ASXL2: variants seen among roughly 807,000 people sequenced by gnomAD.
The protein encoded by ASXL2 is ASXL transcriptional regulator 2.
In ASXL2, 23 loss-of-function variants were observed where a neutral mutation model predicts 122.0. The observed-to-expected ratio is 0.19, with a 90% CI of 0.14 to 0.27. The LOEUF is 0.27. ASXL2 is among the 10% of genes least tolerant of loss of function. The pLI is 1.00. For missense variants in ASXL2, 1,518 were observed against 1,713.8 expected (o/e 0.89, Z 2.02); for synonymous variants, 650 against 637.0 (o/e 1.02, Z -0.31).
intron 5 of ASXL2, among the ~76,000 whole-genome samples, chr2:25,788,001 G>C (rs1196485541): frequency 6.6e-6 from 1 of 152,014 alleles, no homozygotes; most frequent in African/African-American, 2.4e-5. Flanking sequence ...ATTAAAACAG[G>C]GTGGTACTGT....
intron 5 of ASXL2, among the ~76,000 whole-genome samples, chr2:25,786,243 C>CTATTTTTTTTTTTTTTTT (rs2088743095): frequency 8.9e-6 from 1 of 112,420 alleles, no homozygotes; most frequent in Non-Finnish European, 1.7e-5. Flanking sequence ...CCACATCATT[C>CTATTTTTTTTTTTTTTTT]TTTTTTTTTT....
chr2:25,802,005 G>A (rs537430867), intron 4 of ASXL2, among the ~76,000 whole-genome samples: 24 of 152,184 alleles, frequency 1.6e-4, no homozygotes, highest in African/African-American at 5.3e-4. Flanking sequence ...TTACCACACT[G>A]GAATCTTTAC....
At chr2:25,789,132 A>G (rs997698807) in intron 5 of ASXL2, among the ~76,000 whole-genome samples, 23 of 151,970 alleles carry the variant, frequency 1.5e-4, no homozygotes, top group African/African-American at 5.3e-4. Flanking sequence ...CTATAGATCC[A>G]TTTTAGTTCT....
chr2:25,837,835 G>A (rs561322627), intron 2 of ASXL2, among the ~76,000 whole-genome samples: 6 of 151,788 alleles, frequency 4.0e-5, no homozygotes, highest in South Asian at 4.2e-4. Flanking sequence ...ACCAAGAGGC[G>A]GCCAGGTGCA....
chr2:25,876,958 A>G (rs2090014394), intron 1 of ASXL2, among the ~76,000 whole-genome samples: 1 of 152,238 alleles, frequency 6.6e-6, no homozygotes, highest in Admixed American at 6.5e-5. Context: ...AAATAAAGAG[A>G]CTAGACGGTA....
intron 1 of ASXL2, among the ~76,000 whole-genome samples, chr2:25,874,966 C>A (rs937018033): frequency 5.9e-5 from 9 of 151,850 alleles, no homozygotes; most frequent in Non-Finnish European, 1.3e-4. Flanking sequence ...ACCTGCACTC[C>A]CAGCTACTCA....
chr2:25,851,193 T>C (rs1272298733), intron 1 of ASXL2, among the ~76,000 whole-genome samples: 1 of 152,036 alleles, frequency 6.6e-6, no homozygotes, highest in Non-Finnish European at 1.5e-5. Flanking sequence ...ATAAGTAACT[T>C]ATTTTTGTAT....
chr2:25,844,714 C>T (rs2089630009), intron 2 of ASXL2, among the ~76,000 whole-genome samples: 1 of 151,608 alleles, frequency 6.6e-6, no homozygotes, highest in African/African-American at 2.4e-5. Context: ...ATAGCACCTT[C>T]TTAGCACTCT....
rs373514519 is a variant in ASXL2 at position 25,743,071 on chromosome 2, T to C, written c.3266A>G (p.Asn1089Ser). Residue 1089 changes from asparagine to serine, a missense_variant, in exon 13 of 13, where the codon AAC becomes AGC. Asn to Ser is a conservative substitution (Grantham distance 46). Around this residue, in one of 8 missense-constraint regions of ASXL2, gnomAD observed 831 missense variants for 833.1 expected, o/e 1.00. Coordinates refer to ENST00000435504, the MANE Select transcript of ASXL2 (RefSeq NM_018263.6). The part of the protein sequence containing the change: ...LLSVVPPSQF[N>S]FAHSGFQLED... ...CAGCTGGAAACCTGAGTGAGCGAAG[T>C]TGAACTGTGAGGGCGGCACAACTGA... The C allele has an allele frequency of 7.4e-6, 12 of 1,613,862 alleles. No homozygotes were observed. The African/African-American group carries it at 1.3e-4, about 18-fold the overall frequency.
At chr2:25,781,300 G>A (rs532520862) in intron 5 of ASXL2, among the ~76,000 whole-genome samples, 47 of 152,126 alleles carry the variant, frequency 3.1e-4, no homozygotes, top group South Asian at 1.0e-3. Flanking sequence ...TTGGGAGGTC[G>A]CAGGAGGAGA....
In ASXL2 at chr2:25,845,482, TG is replaced by T; in HGVS notation, c.138del (p.Arg47GlufsTer10). The part of the protein sequence containing the change: ...QVIQREGLKE[I>X]RSGTSPLACL... ...ACTAAAAATATTTAAATAACTCACC[TG>T]ATTTCTTTTAGTCCTTCTCTCTGGA... On this transcript the variant is annotated frameshift_variant and splice_region_variant, in exon 2 of 13. Transcript: ENST00000435504. LOFTEE classifies it high-confidence loss of function. 6.8e-7 allele frequency: 1 copy of T among 1,461,288 alleles called. No individual in the cohort carries two copies. Among genetic ancestry groups the T allele is most frequent in the Non-Finnish European group, 9.2e-7 (1 of 1,091,096 alleles). 90.5% of individuals were successfully genotyped at this position (1,461,288 alleles called of 1,614,324 possible).
chr2:25,828,848 A>AAAAC (rs35120438), intron 3 of ASXL2, among the ~76,000 whole-genome samples: 1 of 150,186 alleles, frequency 6.7e-6, no homozygotes, highest in Admixed American at 6.7e-5. Context: ...AAAAAAAAAA[A>AAAAC]CAACAACCTT....
rs2087889267 is a variant in ASXL2 at position 25,743,809 on chromosome 2, C to A, written c.2528G>T (p.Gly843Val). The A allele has an allele frequency of 6.2e-7, 1 of 1,613,864 alleles. No homozygotes were observed. Among genetic ancestry groups the A allele is most frequent in the African/African-American group, 1.3e-5 (1 of 74,912 alleles). Reference sequence around the variant, plus strand: ...AGCTGCACAATGAACAGGTGAGGCACCTGAGATTAGAGCAGGACCTGTTGG... The same window carrying A: ...AGCTGCACAATGAACAGGTGAGGCAACTGAGATTAGAGCAGGACCTGTTGG... ...PSPTGPALISGASPVHCAADG... is the reference protein window; with the variant it reads ...PSPTGPALISVASPVHCAADG... The change falls in exon 13 of 13, where the codon GGT becomes GTT. Residue 843 changes from glycine (G) to valine (V), a missense_variant. This residue lies in a region of ASXL2 where 831 missense variants were observed against 833.1 expected (regional missense o/e 1.00). Coordinates refer to ENST00000435504, the MANE Select transcript of ASXL2 (RefSeq NM_018263.6).
chr2:25,756,944 T>C (rs74498071), intron 9 of ASXL2, among the ~76,000 whole-genome samples: 3,687 of 152,298 alleles, frequency 0.024, 128 homozygotes, highest in African/African-American at 0.077. Flanking sequence ...TACTTGAGTA[T>C]TACAGTGATA....
At chr2:25,860,120 T>TGACCACCCCCC (rs1419557089) in intron 1 of ASXL2, among the ~76,000 whole-genome samples, 1 of 151,402 alleles carries the variant, frequency 6.6e-6, no homozygotes, top group Non-Finnish European at 1.5e-5. Flanking sequence ...TCGGGAGTAC[T>TGACCACCCCCC]GACCAACATG....
chr2:25,831,732 C>T (rs527551360), intron 3 of ASXL2, among the ~76,000 whole-genome samples: 1 of 151,072 alleles, frequency 6.6e-6, no homozygotes, highest in East Asian at 1.9e-4. Context: ...AGAAATAAAC[C>T]TACAGATTCA....
intron 1 of ASXL2, 90 bp downstream of exon 1, chr2:25,878,076 C>T: frequency 6.5e-7 from 1 of 1,533,114 alleles, no homozygotes; most frequent in Admixed American, 1.7e-5. Flanking sequence ...CAGCCGGGTC[C>T]CTGGGCCAGT....
At chr2:25,787,145 G>C (rs1036215208) in intron 5 of ASXL2, among the ~76,000 whole-genome samples, 3 of 152,196 alleles carry the variant, frequency 2.0e-5, no homozygotes, top group Admixed American at 2.0e-4. Flanking sequence ...CAGGCCCCGA[G>C]TGCTGTTGTG....
chr2:25,810,581 C>G, intron 3 of ASXL2: 1 of 729,904 alleles, frequency 1.4e-6, no homozygotes, highest in South Asian at 1.4e-5. Flanking sequence ...TCAGCTCTCT[C>G]CTCTGCATCA....
Sources: gnomAD v4.1 joint callset for allele counts (sites outside exome capture counted in the v4.1 genomes callset) on GRCh38, gnomAD v4.1.1 for gene constraint, gnomAD v4.1.1 regional missense constraint, MANE v1.5 for transcripts, NCBI Gene and HGNC (gene_info 2026-07-23, HGNC 2026-07-21) for gene names.